Variants in RBBP8 observed in about 807,000 individuals in gnomAD.
RBBP8 encodes the protein RB binding protein 8, endonuclease.
Under a neutral mutation model 108.3 loss-of-function variants are expected in RBBP8, and 88 were observed. The observed-to-expected ratio is 0.81, with a 90% CI of 0.68 to 0.97. The LOEUF is 0.97. Ranked by LOEUF, RBBP8 falls within the 50% of genes least tolerant of loss-of-function variation. The pLI, the probability that RBBP8 is intolerant of heterozygous loss-of-function variation, is 0.00. For synonymous variants in RBBP8, 332 were observed against 348.2 expected (o/e 0.95, Z 0.52); for missense variants, 1,023 against 1,049.0 (o/e 0.98, Z 0.34).
chr18:22,943,673 A>G (rs8089960), intron 2 of RBBP8, among the ~76,000 whole-genome samples: 117 of 152,284 alleles, frequency 7.7e-4, no homozygotes, highest in Middle Eastern at 6.8e-3. Flanking sequence ...CTTCATTTGT[A>G]TATAAAGCCC....
At chr18:22,916,471 A>C (rs1287660516) in intron 2 of RBBP8, among the ~76,000 whole-genome samples, 1 of 152,070 alleles carries the variant, frequency 6.6e-6, no homozygotes, top group Non-Finnish European at 1.5e-5. Context: ...CCTGACTTCC[A>C]CCAAGACCAG....
intron 8 of RBBP8, among the ~76,000 whole-genome samples, chr18:22,985,896 G>A (rs763059693): frequency 6.6e-6 from 1 of 152,096 alleles, no homozygotes; most frequent in Non-Finnish European, 1.5e-5. Context: ...AGAAGTCCAA[G>A]TATTGAGCCT....
At position 22,992,898 on chromosome 18, in the gene RBBP8, AC is replaced by A. The variant is rs754390284; in HGVS notation, c.1072del (p.His358IlefsTer2). 163 of 1,613,868 alleles carry A rather than the reference AC, an allele frequency of 1.0e-4. No individual in the cohort carries two copies. Among genetic ancestry groups the A allele is most frequent in the Non-Finnish European group, 1.3e-4 (157 of 1,179,966 alleles). ...CTCTTTTACAGCCTGGGAAAAAAAA[AC>A]ATCTGAAAACACTCCCTTTTAGCAA... is the stretch of plus-strand genomic sequence containing the variant. ...PSLLQPGKKK[H>X]LKTLPFSNTC... is the part of the protein sequence containing the mutation. On this transcript the variant is annotated frameshift_variant, in exon 11 of 19. Coordinates refer to ENST00000327155, the MANE Select transcript of RBBP8 (RefSeq NM_002894.3). LOFTEE classifies it high-confidence loss of function.
At chr18:23,022,819 G>T (rs1339627586) in intron 18 of RBBP8, among the ~76,000 whole-genome samples, 1 of 151,406 alleles carries the variant, frequency 6.6e-6, no homozygotes, top group Admixed American at 6.6e-5. Context: ...TTAGAGATTG[G>T]TAATATCACT....
At chr18:23,023,409 CACTT>C (rs1268576406) in intron 18 of RBBP8, among the ~76,000 whole-genome samples, 1 of 152,150 alleles carries the variant, frequency 6.6e-6, no homozygotes, top group African/African-American at 2.4e-5. Context: ...TTAGATATGA[CACTT>C]ACATTTAATA....
At chr18:22,990,389 G>T (rs1248940956) in intron 9 of RBBP8, among the ~76,000 whole-genome samples, 1 of 152,168 alleles carries the variant, frequency 6.6e-6, no homozygotes, top group Non-Finnish European at 1.5e-5. Flanking sequence ...CTATCAGTAT[G>T]AATAGTTATC....
chr18:22,997,705 AGC>A lies in RBBP8; in HGVS notation c.2115_2116del (p.Gln706ArgfsTer10), dbSNP rs1228376324. 3.7e-6 allele frequency: 6 copies of A among 1,605,302 alleles called. No homozygotes were observed. The highest frequency in any genetic ancestry group is 4.3e-6 in the Non-Finnish European group (5 of 1,174,408). ...GAAACCGTTCTCTTAAAAATGAAGA[AGC>A]AAGAGCAGAAGGGAGAAAAAAGTTC... On this transcript the variant is annotated frameshift_variant, in exon 14 of 19. Coordinates refer to ENST00000327155, the MANE Select transcript of RBBP8 (RefSeq NM_002894.3). LOFTEE classifies it high-confidence loss of function.
intron 3 of RBBP8, 104 bp downstream of exon 3, chr18:22,946,590 T>G (rs968339036): frequency 4.0e-5 from 60 of 1,500,160 alleles, no homozygotes; most frequent in Non-Finnish European, 5.0e-5. Context: ...CAATTTGACC[T>G]TAATGTCTTA....
intron 4 of RBBP8, among the ~76,000 whole-genome samples, chr18:22,964,335 G>A (rs912377283): frequency 1.4e-5 from 2 of 147,770 alleles, no homozygotes; most frequent in Non-Finnish European, 1.5e-5. Context: ...GAGTTCTTTT[G>A]TATAGATCTG....
chr18:23,005,241 TAAC>T (rs2046020779), intron 15 of RBBP8, among the ~76,000 whole-genome samples: 1 of 152,136 alleles, frequency 6.6e-6, no homozygotes, highest in African/African-American at 2.4e-5. Flanking sequence ...TGACTATAAT[TAAC>T]AACAATATAT....
At chr18:22,994,254 A>ACATCGTGATCCACCAGCGT in intron 12 of RBBP8, among the ~76,000 whole-genome samples, 1 of 147,376 alleles carries the variant, frequency 6.8e-6, no homozygotes, top group Non-Finnish European at 1.5e-5. Flanking sequence ...AGATCTCCTG[A>ACATCGTGATCCACCAGCGT]CATCGTGATC....
At chr18:22,985,701 G>A (rs535687100) in intron 8 of RBBP8, among the ~76,000 whole-genome samples, 6 of 152,080 alleles carry the variant, frequency 3.9e-5, no homozygotes, top group Non-Finnish European at 5.9e-5. Context: ...GTTTGGTTTC[G>A]GTAATATTCT....
intron 4 of RBBP8, among the ~76,000 whole-genome samples, chr18:22,964,987 C>T (rs984820206): frequency 6.6e-6 from 1 of 152,034 alleles, no homozygotes; most frequent in African/African-American, 2.4e-5. Context: ...CAAATAACAT[C>T]CTTTCCTTTG....
At chr18:22,970,889 CT>C (rs1567968719) in intron 5 of RBBP8, among the ~76,000 whole-genome samples, 1 of 152,106 alleles carries the variant, frequency 6.6e-6, no homozygotes. Flanking sequence ...ATTTTCTTAC[CT>C]TGTTTAGGAA....
chr18:23,023,998 TGAATAGCTGG>T (rs957514519), intron 18 of RBBP8, among the ~76,000 whole-genome samples: 18 of 150,562 alleles, frequency 1.2e-4, no homozygotes, highest in African/African-American at 4.4e-4. Context: ...CCCAGCTTCT[TGAATAGCTGG>T]GACTACAGGC....
chr18:22,933,196 G>A (rs957697827), upstream of RBBP8: 1 of 152,264 alleles, frequency 6.6e-6, no homozygotes, highest in Non-Finnish European at 1.5e-5. Flanking sequence ...GCAGCTCCGA[G>A]GTAGCGCTCC....
chr18:22,966,682 A>T (rs998391977), intron 4 of RBBP8, among the ~76,000 whole-genome samples: 2 of 148,704 alleles, frequency 1.3e-5, no homozygotes, highest in Non-Finnish European at 3.0e-5. Context: ...ATATGCTACC[A>T]TGCTGTGACT....
intron 4 of RBBP8, among the ~76,000 whole-genome samples, chr18:22,955,418 T>C (rs1219428751): frequency 1.3e-5 from 2 of 152,172 alleles, no homozygotes; most frequent in African/African-American, 4.8e-5. Flanking sequence ...GTAGTTAGTA[T>C]GTATTGAGGA....
upstream of RBBP8, among the ~76,000 whole-genome samples, chr18:22,932,262 ATTACAGGTTAT>A (rs1319224200): frequency 2.0e-5 from 3 of 152,218 alleles, no homozygotes; most frequent in Non-Finnish European, 2.9e-5. Flanking sequence ...TGACAAACTT[ATTACAGGTTAT>A]TTCTGTCATA....
Sources: gnomAD v4.1 joint callset for allele counts (sites outside exome capture counted in the v4.1 genomes callset) on GRCh38, gnomAD v4.1.1 for gene constraint, MANE v1.5 for transcripts, NCBI Gene and HGNC (gene_info 2026-07-23, HGNC 2026-07-21) for gene names.